The following FRK variants were observed in gnomAD, a reference collection of about 807,000 sequenced individuals.
The protein encoded by FRK is fyn related Src family tyrosine kinase.
In FRK, 51 loss-of-function variants were observed where a neutral mutation model predicts 56.4. The observed-to-expected ratio is 0.90, with a 90% confidence interval of 0.72 to 1.14. The LOEUF (loss-of-function observed/expected upper bound fraction) is 1.14. Among genes scored for constraint, FRK ranks in the 50% most tolerant of loss-of-function variants. The pLI is 0.00. For synonymous variants in FRK, 245 were observed against 217.9 expected, an observed-to-expected ratio of 1.12 and a Z score of -1.10; for missense variants, 570 against 601.4, an observed-to-expected ratio of 0.95 and a Z score of 0.55.
chr6:116,092,591 G>A, the FRK span, among the ~76,000 whole-genome samples: 70 of 152,242 alleles, frequency 4.6e-4, 1 homozygote, highest in African/African-American at 1.6e-3. Context: ...GACCTTCCTC[G>A]GTCCTCCCTG....
chr6:115,946,826 C>T (rs956213282), intron 5 of FRK, among the ~76,000 whole-genome samples: 2 of 151,978 alleles, frequency 1.3e-5, no homozygotes, highest in Non-Finnish European at 2.9e-5. Flanking sequence ...AAAATGCCAT[C>T]ATAGTCAAAT....
intron 1 of FRK, among the ~76,000 whole-genome samples, chr6:116,039,825 C>T (rs1776643188): frequency 6.6e-6 from 1 of 151,932 alleles, no homozygotes; most frequent in African/African-American, 2.4e-5. Flanking sequence ...CCTTCTTACA[C>T]CCTGAGGCCA....
At chr6:116,078,773 T>G in the FRK span, among the ~76,000 whole-genome samples, 1 of 152,206 alleles carries the variant, frequency 6.6e-6, no homozygotes, top group African/African-American at 2.4e-5. Flanking sequence ...CCAAACACTT[T>G]CCTGACTTTT....
intron 1 of FRK, among the ~76,000 whole-genome samples, chr6:116,042,294 TG>T (rs1201520064): frequency 6.6e-6 from 1 of 151,930 alleles, no homozygotes; most frequent in East Asian, 1.9e-4. Flanking sequence ...ACAGAACACC[TG>T]GGGGAAGGGG....
intron 1 of FRK, among the ~76,000 whole-genome samples, chr6:116,044,800 G>C (rs936940971): frequency 1.3e-5 from 2 of 152,218 alleles, no homozygotes. Flanking sequence ...AATTGTCTCT[G>C]TTTGCAGATG....
At chr6:116,051,833 T>G (rs1470641848) in intron 1 of FRK, among the ~76,000 whole-genome samples, 2 of 152,136 alleles carry the variant, frequency 1.3e-5, no homozygotes, top group Admixed American at 1.3e-4. Flanking sequence ...TTTGGTAATG[T>G]TAGAATGTAC....
At chr6:116,024,026 T>C (rs950574507) in intron 1 of FRK, among the ~76,000 whole-genome samples, 9 of 149,620 alleles carry the variant, frequency 6.0e-5, no homozygotes, top group African/African-American at 1.7e-4. Context: ...TTCATACAGT[T>C]TGTGTCTGCT....
At chr6:115,970,619 C>T (rs894478907) in intron 2 of FRK, among the ~76,000 whole-genome samples, 4 of 152,296 alleles carry the variant, frequency 2.6e-5, no homozygotes, top group Non-Finnish European at 4.4e-5. Context: ...CAAGGCTAAG[C>T]TGGGCGTGGT....
chr6:116,060,313 G>A lies in FRK; in HGVS notation c.-2C>T, dbSNP rs765720682. The A allele has an allele frequency of 1.2e-5, 19 of 1,610,528 alleles. No individual in the cohort carries two copies. In the South Asian group the frequency reaches 2.1e-4, roughly 18 times the overall value. On this transcript the variant is annotated 5_prime_UTR_variant, in exon 1 of 8. Coordinates refer to ENST00000606080, the MANE Select transcript of FRK (RefSeq NM_002031.3). ...GAGCCTCTGACAGATGTTGCTCATT[G>A]TGCCTTGGTGGGGAGAAGAGGAGCA...
intron 5 of FRK, among the ~76,000 whole-genome samples, chr6:115,947,639 T>C (rs1056053017): frequency 6.6e-6 from 1 of 152,218 alleles, no homozygotes; most frequent in African/African-American, 2.4e-5. Flanking sequence ...TCTAAATCCC[T>C]GTATTACCCT....
At chr6:116,083,771 G>C in the FRK span, among the ~76,000 whole-genome samples, 4 of 151,646 alleles carry the variant, frequency 2.6e-5, no homozygotes, top group East Asian at 1.9e-4. Flanking sequence ...TACTGGGCTG[G>C]AGTGATCCTC....
chr6:116,099,321 A>T, the FRK span, among the ~76,000 whole-genome samples: 28 of 152,234 alleles, frequency 1.8e-4, no homozygotes, highest in African/African-American at 6.5e-4. Flanking sequence ...TCCCTAAAGT[A>T]CCTAAAGCAC....
chr6:116,054,506 ATAT>A (rs892444596), intron 1 of FRK, among the ~76,000 whole-genome samples: 5 of 130,162 alleles, frequency 3.8e-5, no homozygotes, highest in Non-Finnish European at 8.6e-5. Context: ...TACTATTATA[ATAT>A]TATACTATAT....
At chr6:116,088,595 A>G in the FRK span, among the ~76,000 whole-genome samples, 1 of 152,230 alleles carries the variant, frequency 6.6e-6, no homozygotes, top group African/African-American at 2.4e-5. Flanking sequence ...TTCAGCTAAA[A>G]TATTTAGCAC....
intron 1 of FRK, among the ~76,000 whole-genome samples, chr6:116,059,232 A>G (rs1270622143): frequency 6.6e-6 from 1 of 152,182 alleles, no homozygotes; most frequent in Non-Finnish European, 1.5e-5. Context: ...CTTTTGTTGC[A>G]ATATAATTCA....
chr6:115,937,384 A>G lies in FRK; in HGVS notation c.*5030T>C, dbSNP rs1772070107. On this transcript the variant is annotated 3_prime_UTR_variant, in exon 8 of 8. Transcript: ENST00000606080. ...CCACTGCAAAAACATACCAAATTGT[A>G]AAGATCATCGAGGATACGAAGAACC... is the stretch of plus-strand genomic sequence containing the variant. 6.6e-6 allele frequency: 1 copy of G among 152,230 alleles called. No homozygotes were observed. Among genetic ancestry groups the G allele is most frequent in the Non-Finnish European group, 1.5e-5 (1 of 68,044 alleles). The allele number at this position is 152,230 out of a possible 1,614,324, so 9.4% of individuals were successfully genotyped here.
intron 1 of FRK, among the ~76,000 whole-genome samples, chr6:116,023,872 G>T (rs771202138): frequency 2.6e-5 from 4 of 151,926 alleles, no homozygotes; most frequent in East Asian, 1.9e-4. Context: ...ATTTTACTGT[G>T]TGTAAACTGT....
At chr6:116,089,592 A>G in the FRK span, among the ~76,000 whole-genome samples, 1 of 152,114 alleles carries the variant, frequency 6.6e-6, no homozygotes, top group Admixed American at 6.5e-5. Flanking sequence ...CTGCCTTCTC[A>G]CTGTGGCTTC....
intron 1 of FRK, among the ~76,000 whole-genome samples, chr6:116,044,366 A>T (rs952569231): frequency 2.2e-4 from 34 of 152,220 alleles, no homozygotes; most frequent in African/African-American, 7.2e-4. Flanking sequence ...ATCCAGCAAC[A>T]TATAAAAAGT....
Sources: gnomAD v4.1 joint callset for allele counts (sites outside exome capture counted in the v4.1 genomes callset) on GRCh38, gnomAD v4.1.1 for gene constraint, MANE v1.5 for transcripts, NCBI Gene and HGNC (gene_info 2026-07-23, HGNC 2026-07-21) for gene names.